ROBO1: variants seen among roughly 807,000 people sequenced by gnomAD.
ROBO1 encodes the protein roundabout guidance receptor 1.
In ROBO1, 149 loss-of-function variants were observed where a neutral mutation model predicts 195.9. The ratio of observed to expected loss-of-function variants is 0.76; its 90% CI spans 0.67 to 0.87. The LOEUF is 0.87. ROBO1 is among the 40% of genes least tolerant of loss of function. ROBO1 has a pLI of 0.00. For missense variants in ROBO1, 1,933 were observed against 2,068.3 expected, an observed-to-expected ratio of 0.93 and a Z score of 1.27; for synonymous variants, 816 against 733.2, an observed-to-expected ratio of 1.11 and a Z score of -1.82.
intron 8 of ROBO1, among the ~76,000 whole-genome samples, chr3:78,707,859 G>A (rs1434692800): frequency 6.6e-6 from 1 of 152,156 alleles, no homozygotes; most frequent in East Asian, 1.9e-4. Flanking sequence ...AGAAGACTAA[G>A]TGTCTTTTAG....
chr3:79,096,179 T>A (rs1185180850), intron 3 of ROBO1, among the ~76,000 whole-genome samples: 3 of 151,930 alleles, frequency 2.0e-5, no homozygotes, highest in Admixed American at 6.6e-5. Context: ...TAATTTACAC[T>A]CAAGCAGCAA....
chr3:79,318,725 C>T (rs1336504731), intron 2 of ROBO1, among the ~76,000 whole-genome samples: 1 of 152,134 alleles, frequency 6.6e-6, no homozygotes, highest in African/African-American at 2.4e-5. Flanking sequence ...CATCTAGACA[C>T]ATATACATCT....
At chr3:78,949,521 T>G (rs2040653080) in intron 3 of ROBO1, among the ~76,000 whole-genome samples, 1 of 152,172 alleles carries the variant, frequency 6.6e-6, no homozygotes, top group Non-Finnish European at 1.5e-5. Context: ...CCAGATGGAT[T>G]AAAGACTTAA....
intron 1 of ROBO1, among the ~76,000 whole-genome samples, chr3:79,645,417 C>A (rs1945790150): frequency 6.6e-6 from 1 of 151,820 alleles, no homozygotes; most frequent in Admixed American, 6.6e-5. Flanking sequence ...CAGGAGGATC[C>A]TTTGAGCCCA....
intron 6 of ROBO1, 37 bp downstream of exon 6, chr3:78,717,726 A>AT (rs776179888): frequency 1.1e-5 from 17 of 1,601,602 alleles, no homozygotes; most frequent in Middle Eastern, 1.7e-4. Context: ...TAAGAGATCT[A>AT]TTTTTCAATG....
intron 2 of ROBO1, among the ~76,000 whole-genome samples, chr3:79,211,197 A>C (rs2108802044): frequency 6.6e-6 from 1 of 152,162 alleles, no homozygotes; most frequent in East Asian, 1.9e-4. Flanking sequence ...TTTATTTCTG[A>C]ATGAGACAGT....
chr3:79,561,022 A>G (rs976949631), intron 2 of ROBO1, among the ~76,000 whole-genome samples: 13 of 152,132 alleles, frequency 8.5e-5, no homozygotes, highest in African/African-American at 2.9e-4. Context: ...GTAATGGAAC[A>G]GAACGTCTCA....
At chr3:79,284,091 T>C (rs1280127268) in intron 2 of ROBO1, among the ~76,000 whole-genome samples, 1 of 152,048 alleles carries the variant, frequency 6.6e-6, no homozygotes, top group Non-Finnish European at 1.5e-5. Context: ...TATATATGCA[T>C]GTATATATAC....
chr3:79,640,422 T>G (rs1291265831), intron 1 of ROBO1, among the ~76,000 whole-genome samples: 1 of 152,056 alleles, frequency 6.6e-6, no homozygotes, highest in African/African-American at 2.4e-5. Context: ...CCATTAAACC[T>G]CTTTTTCTTT....
intron 2 of ROBO1, among the ~76,000 whole-genome samples, chr3:79,143,920 G>T (rs1467748582): frequency 1.3e-5 from 2 of 151,560 alleles, no homozygotes; most frequent in African/African-American, 4.8e-5. Flanking sequence ...TTTTGAGAAT[G>T]TTCTATAAAT....
Position 79,117,379 on chromosome 3 carries a change from A to G in ROBO1, c.172+8077T>C, listed in dbSNP as rs2108550869. Reference sequence around the variant, plus strand: ...AGAGAGACTCCATCTCAAAACAAAAACAAAAAAAAAAAGAGCAGGAGTTAC... The same window carrying G: ...AGAGAGACTCCATCTCAAAACAAAAGCAAAAAAAAAAAGAGCAGGAGTTAC... On this transcript the variant is annotated intron_variant, in intron 3 of 30. Coordinates refer to ENST00000464233, the MANE Select transcript of ROBO1 (RefSeq NM_002941.4). Among the ~76,000 whole-genome samples the G allele has an allele frequency of 2.6e-5, 4 of 151,066 alleles. No individual in the cohort carries two copies. The South Asian group carries it at 8.3e-4, about 31-fold the overall frequency.
chr3:79,373,156 G>T (rs879252271), intron 2 of ROBO1, among the ~76,000 whole-genome samples: 4 of 152,164 alleles, frequency 2.6e-5, no homozygotes, highest in Non-Finnish European at 5.9e-5. Flanking sequence ...TAAAATACAA[G>T]TTCTAACACT....
At position 78,643,117 on chromosome 3, in the gene ROBO1, G is replaced by A. The variant is rs528234637; in HGVS notation, c.2882+3031C>T. ...TCCAGGAACTCACACTCTCTTGTCA[G>A]AGGCAATCATATCCACCAGGAGTTG... On this transcript the variant is annotated intron_variant, in intron 21 of 30. Transcript: ENST00000464233. Among the ~76,000 whole-genome samples, 14 of 152,214 alleles carry A rather than the reference G, an allele frequency of 9.2e-5. No homozygotes were observed. The East Asian group carries it at 2.7e-3, about 29-fold the overall frequency.
intron 1 of ROBO1, among the ~76,000 whole-genome samples, chr3:79,758,553 T>A (rs1704529548): frequency 6.6e-6 from 1 of 152,208 alleles, no homozygotes; most frequent in African/African-American, 2.4e-5. Flanking sequence ...GAGAGAGAGA[T>A]GATCTTTCTA....
intron 2 of ROBO1, among the ~76,000 whole-genome samples, chr3:79,556,063 T>C (rs1942688387): frequency 6.6e-6 from 1 of 152,164 alleles, no homozygotes; most frequent in Non-Finnish European, 1.5e-5. Context: ...ATAAATTTAC[T>C]TTTATAAAAT....
rs1286925865 is a variant in ROBO1 at position 79,626,311 on chromosome 3, G to A, written c.-50-36350C>T. 3.3e-5 allele frequency among the ~76,000 whole-genome samples: 5 copies of A among 152,096 alleles called. No homozygotes were observed. In the East Asian group the frequency reaches 7.8e-4, roughly 24 times the overall value. ...AATACAAAAGTTAGCTGGGTGTGGTGGTGCATGCCCAGCCACTTGGAAGGC... is the reference window on the plus strand; with the variant it reads ...AATACAAAAGTTAGCTGGGTGTGGTAGTGCATGCCCAGCCACTTGGAAGGC... On this transcript the variant is annotated intron_variant, in intron 1 of 30. Transcript: ENST00000464233.
chr3:79,623,537 T>A (rs552012257), intron 1 of ROBO1, among the ~76,000 whole-genome samples: 6 of 152,188 alleles, frequency 3.9e-5, no homozygotes, highest in African/African-American at 1.4e-4. Context: ...GCATGAGAAC[T>A]TCATGAAGCA....
chr3:79,536,538 T>C (rs549730185), intron 2 of ROBO1, among the ~76,000 whole-genome samples: 6 of 152,194 alleles, frequency 3.9e-5, no homozygotes, highest in Non-Finnish European at 7.3e-5. Flanking sequence ...CAAATTTATG[T>C]ATTAATTTGA....
intron 2 of ROBO1, among the ~76,000 whole-genome samples, chr3:79,206,325 T>C (rs1266345385): frequency 6.6e-6 from 1 of 152,124 alleles, no homozygotes; most frequent in African/African-American, 2.4e-5. Context: ...GCCAGCGTAA[T>C]AGTCTCAAAG....
Sources: gnomAD v4.1 joint callset for allele counts (sites outside exome capture counted in the v4.1 genomes callset) on GRCh38, gnomAD v4.1.1 for gene constraint, MANE v1.5 for transcripts, NCBI Gene and HGNC (gene_info 2026-07-23, HGNC 2026-07-21) for gene names.